Variants in RALYL observed in about 807,000 individuals in gnomAD.
RALYL encodes RNA-binding Raly-like protein.
A neutral mutation model predicts 35.1 loss-of-function variants in RALYL; 29 were observed. That is an observed-to-expected ratio of 0.83 (90% CI 0.61 to 1.13). The LOEUF is 1.13. Among genes scored for constraint, RALYL ranks in the 50% most tolerant of loss-of-function variants. RALYL has a pLI of 0.00. For synonymous variants in RALYL, 120 were observed against 127.6 expected (o/e 0.94, Z 0.40); for missense variants, 359 against 360.4 (o/e 1.00, Z 0.03).
chr8:84,854,648 A>C (rs533301325), intron 5 of RALYL, among the ~76,000 whole-genome samples: 1 of 152,342 alleles, frequency 6.6e-6, no homozygotes, highest in East Asian at 1.9e-4. Context: ...CTACTTACGT[A>C]TAACAGGGCT....
rs976680698 is a variant in RALYL at position 84,732,578 on chromosome 8, A to C, written c.257-42001A>C. ...TCAGTACAAATTTAAGAAATATAAA[A>C]TACATTTTAATGTTCAGGTAGTACC... On this transcript the variant is annotated intron_variant, in intron 2 of 8. Coordinates refer to ENST00000521268, the MANE Select transcript of RALYL (RefSeq NM_173848.7). Among the ~76,000 whole-genome samples the C allele has an allele frequency of 4.0e-5, 6 of 151,326 alleles. 1 individual carries two copies. Among genetic ancestry groups the C allele is most frequent in the Non-Finnish European group, 8.8e-5 (6 of 67,914 alleles).
rs764705532 is a variant in RALYL, at chr8:84,578,805, G to A, written c.256+49228G>A. On this transcript the variant is annotated intron_variant, in intron 2 of 8. Coordinates refer to ENST00000521268, the MANE Select transcript of RALYL (RefSeq NM_173848.7). ...CCTTTGGGCAGCTGTTAGTCTTAAC[G>A]TCTGTGTGAGTCTGGCTGGGTCTGG... Among the ~76,000 whole-genome samples, 51 of 152,174 alleles carry A rather than the reference G, an allele frequency of 3.4e-4. 1 individual carries two copies. Among genetic ancestry groups the A allele is most frequent in the South Asian group, 2.1e-4 (1 of 4,818 alleles).
chr8:84,417,901 TA>T (rs1170543708), intron 1 of RALYL, among the ~76,000 whole-genome samples: 1 of 152,196 alleles, frequency 6.6e-6, no homozygotes, highest in Non-Finnish European at 1.5e-5. Context: ...TTTCGGAAAT[TA>T]AAATAATTTT....
At chr8:84,827,822 G>A (rs1040072435) in intron 4 of RALYL, among the ~76,000 whole-genome samples, 10 of 152,060 alleles carry the variant, frequency 6.6e-5, no homozygotes, top group East Asian at 1.9e-4. Flanking sequence ...CAATTTTACC[G>A]TTAAAAAGTA....
chr8:84,769,659 G>T (rs1389719594), intron 2 of RALYL, among the ~76,000 whole-genome samples: 1 of 152,062 alleles, frequency 6.6e-6, no homozygotes, highest in Admixed American at 6.6e-5. Flanking sequence ...TACTTGGGAG[G>T]CTGAGGCAGG....
At chr8:84,293,856 ACTT>A (rs1839249504) in intron 1 of RALYL, among the ~76,000 whole-genome samples, 2 of 151,954 alleles carry the variant, frequency 1.3e-5, no homozygotes, top group African/African-American at 4.8e-5. Flanking sequence ...TTTCCTTACT[ACTT>A]CTTCTTCCTC....
chr8:84,190,832 G>A (rs553557786), intron 1 of RALYL, among the ~76,000 whole-genome samples: 38 of 151,984 alleles, frequency 2.5e-4, no homozygotes, highest in Non-Finnish European at 3.8e-4. Context: ...TCTTTAAGTG[G>A]GAATAAGTCC....
intron 1 of RALYL, among the ~76,000 whole-genome samples, chr8:84,437,431 A>G (rs527350607): frequency 1.3e-5 from 2 of 152,220 alleles, no homozygotes; most frequent in East Asian, 3.9e-4. Flanking sequence ...GAAATCTCCA[A>G]ATTACTTTCC....
chr8:84,571,171 C>T (rs1224854589), intron 2 of RALYL, among the ~76,000 whole-genome samples: 2 of 151,606 alleles, frequency 1.3e-5, no homozygotes, highest in African/African-American at 2.4e-5. Flanking sequence ...AGGAATCCTT[C>T]CCCCTTGATA....
chr8:84,850,797 G>A (rs574471171), intron 5 of RALYL, among the ~76,000 whole-genome samples: 2 of 152,192 alleles, frequency 1.3e-5, no homozygotes, highest in Admixed American at 1.3e-4. Flanking sequence ...CTCTAAGGTT[G>A]AATTAGCTTT....
At chr8:84,869,962 C>A (rs922606638) in intron 6 of RALYL, among the ~76,000 whole-genome samples, 3 of 152,026 alleles carry the variant, frequency 2.0e-5, no homozygotes, top group Non-Finnish European at 4.4e-5. Flanking sequence ...ATCACCAAAT[C>A]AATGAACTCT....
At position 84,490,431 on chromosome 8, in the gene RALYL, G is replaced by A. The variant is rs531878433; in HGVS notation, c.-23-38868G>A. On this transcript the variant is annotated intron_variant, in intron 1 of 8. Transcript: ENST00000521268. ...GCAGAAGAAAAGATTGAAGGTTGTT[G>A]CCTGGAATGATTCCTGAAGCCAAGC... Among the ~76,000 whole-genome samples the A allele has an allele frequency of 1.1e-4, 17 of 152,040 alleles. No individual in the cohort carries two copies. In the South Asian group the frequency reaches 3.5e-3, roughly 32 times the overall value.
chr8:84,706,903 G>A (rs1841318816), intron 2 of RALYL, among the ~76,000 whole-genome samples: 2 of 151,966 alleles, frequency 1.3e-5, no homozygotes, highest in Non-Finnish European at 2.9e-5. Flanking sequence ...GCCCAAAATG[G>A]TCTGTCACTG....
chr8:84,613,201 C>T (rs1264361350), intron 2 of RALYL, among the ~76,000 whole-genome samples: 1 of 151,532 alleles, frequency 6.6e-6, no homozygotes, highest in Non-Finnish European at 1.5e-5. Context: ...GACCTGAAAG[C>T]CTCAATTTTC....
At chr8:84,381,165 G>T (rs1048163248) in intron 1 of RALYL, among the ~76,000 whole-genome samples, 1 of 151,878 alleles carries the variant, frequency 6.6e-6, no homozygotes, top group Non-Finnish European at 1.5e-5. Flanking sequence ...CGACAGCCAC[G>T]ACCCTGTTTC....
intron 6 of RALYL, among the ~76,000 whole-genome samples, chr8:84,869,862 C>T (rs1005265810): frequency 1.3e-5 from 2 of 152,102 alleles, no homozygotes; most frequent in Non-Finnish European, 2.9e-5. Context: ...GATATCATCC[C>T]GTGTGCCTAA....
chr8:84,657,000 T>C (rs1830077263), intron 2 of RALYL, among the ~76,000 whole-genome samples: 1 of 152,160 alleles, frequency 6.6e-6, no homozygotes, highest in African/African-American at 2.4e-5. Flanking sequence ...TCAGATTTTA[T>C]ATAATGATAA....
chr8:84,208,695 A>T (rs1198818024), intron 1 of RALYL, among the ~76,000 whole-genome samples: 1 of 152,102 alleles, frequency 6.6e-6, no homozygotes, highest in African/African-American at 2.4e-5. Flanking sequence ...ATGATGCCAA[A>T]TTTTTTACCC....
At chr8:84,357,772 T>A (rs1219696871) in intron 1 of RALYL, among the ~76,000 whole-genome samples, 1 of 144,700 alleles carries the variant, frequency 6.9e-6, no homozygotes, top group African/African-American at 2.6e-5. Context: ...TATATAAATA[T>A]ATATATTTAT....
Sources: gnomAD v4.1 joint callset for allele counts (sites outside exome capture counted in the v4.1 genomes callset) on GRCh38, gnomAD v4.1.1 for gene constraint, MANE v1.5 for transcripts, NCBI Gene and HGNC (gene_info 2026-07-23, HGNC 2026-07-21) for gene names.